The following SNRPD3 variants were observed in gnomAD, a reference collection of about 807,000 sequenced individuals.
SNRPD3 encodes the protein small nuclear ribonucleoprotein Sm D3.
For missense variants in SNRPD3, 73 were observed against 167.5 expected (o/e 0.44, Z 3.11); for synonymous variants, 66 against 58.4 (o/e 1.13, Z -0.59).
chr22:24,561,059 C>CTTTTCTTTTTTTTTTTTTT (rs2045137150), intron 2 of SNRPD3, among the ~76,000 whole-genome samples: 1 of 93,286 alleles, frequency 1.1e-5, no homozygotes, highest in Non-Finnish European at 2.1e-5. Context: ...TTTCCTTTTT[C>CTTTTCTTTTTTTTTTTTTT]TTTTCTTTTT....
chr22:24,565,930 A>T (rs1429806235), intron 2 of SNRPD3, among the ~76,000 whole-genome samples: 1 of 152,110 alleles, frequency 6.6e-6, no homozygotes, highest in Non-Finnish European at 1.5e-5. Context: ...TACAGGCATG[A>T]GCCACCGCGC....
intron 1 of SNRPD3, 78 bp downstream of exon 1, chr22:24,556,149 ACT>A: frequency 2.2e-6 from 1 of 460,762 alleles, no homozygotes; most frequent in Non-Finnish European, 3.9e-6. Context: ...GCTGCATGGA[ACT>A]CTGCGGGGCT....
chr22:24,562,957 A>G (rs192259477), intron 2 of SNRPD3, among the ~76,000 whole-genome samples: 1 of 152,244 alleles, frequency 6.6e-6, no homozygotes. Context: ...GCACTCAGAT[A>G]CAGGAGACAC....
At chr22:24,569,220 G>A (rs147592601) in intron 3 of SNRPD3, among the ~76,000 whole-genome samples, 12 of 152,296 alleles carry the variant, frequency 7.9e-5, no homozygotes, top group Non-Finnish European at 1.6e-4. Context: ...CCACCTTTTA[G>A]TACATTCCAA....
At chr22:24,571,814 T>G in intron 3 of SNRPD3, 102 bp from the exon 4 acceptor site, 2 of 1,180,190 alleles carry the variant, frequency 1.7e-6, no homozygotes, top group Non-Finnish European at 2.5e-6. Flanking sequence ...CAGGTAACCC[T>G]TCAGAACCCT....
intron 2 of SNRPD3, 122 bp from the exon 3 acceptor site, chr22:24,567,862 A>G (rs1249138051): frequency 1.4e-5 from 10 of 704,590 alleles, no homozygotes; most frequent in East Asian, 5.2e-5. Context: ...ATTGCTGGGT[A>G]ATTCACCAGC....
intron 2 of SNRPD3, 67 bp downstream of exon 2, chr22:24,557,867 T>G: frequency 1.3e-6 from 2 of 1,486,390 alleles, no homozygotes; most frequent in South Asian, 2.6e-5. Context: ...CAGAAAAGTG[T>G]GTGTTGAGGG....
chr22:24,574,072 G>C lies in SNRPD3; in HGVS notation c.*2095G>C, dbSNP rs2045269864. Among the ~76,000 whole-genome samples the C allele has an allele frequency of 6.6e-6, 1 of 152,146 alleles. No individual in the cohort carries two copies. Among genetic ancestry groups the C allele is most frequent in the Admixed American group, 6.5e-5 (1 of 15,268 alleles). On this transcript the variant is annotated 3_prime_UTR_variant, in exon 4 of 4. Transcript: ENST00000215829. Reference sequence around the variant, plus strand: ...AAAGCCGTATTTTGACCCTGTACTAGTATGTTATTTTAGTATAATCATTAC... The same window carrying C: ...AAAGCCGTATTTTGACCCTGTACTACTATGTTATTTTAGTATAATCATTAC...
chr22:24,557,504 A>C (rs1052938165), intron 1 of SNRPD3, among the ~76,000 whole-genome samples, 153 bp from the exon 2 acceptor site: 6 of 97,202 alleles, frequency 6.2e-5, no homozygotes, highest in African/African-American at 2.4e-4. Flanking sequence ...CCAAACCAGG[A>C]GCTGAGCTTT....
chr22:24,569,633 C>T (rs935429347), intron 3 of SNRPD3, among the ~76,000 whole-genome samples: 1 of 152,150 alleles, frequency 6.6e-6, no homozygotes, highest in Non-Finnish European at 1.5e-5. Flanking sequence ...CTCGGTCCCA[C>T]AAGACAGCCC....
At chr22:24,555,743 G>T, upstream of SNRPD3, 1 of 1,550,664 alleles carries the variant, frequency 6.4e-7, no homozygotes, top group Non-Finnish European at 8.7e-7. Context: ...TGTCCTTGGT[G>T]TGGGGTGCTT....
intron 2 of SNRPD3, among the ~76,000 whole-genome samples, chr22:24,565,937 G>A (rs939180113): frequency 2.6e-5 from 4 of 152,038 alleles, no homozygotes; most frequent in East Asian, 1.9e-4. Flanking sequence ...ATGAGCCACC[G>A]CGCCCAGCCC....
At chr22:24,570,822 T>C (rs1283741862) in intron 3 of SNRPD3, among the ~76,000 whole-genome samples, 1 of 90,198 alleles carries the variant, frequency 1.1e-5, no homozygotes, top group Non-Finnish European at 2.1e-5. Flanking sequence ...ATTCTTTTTT[T>C]TTTTTTTTTT....
chr22:24,571,786 G>A lies in SNRPD3; in HGVS notation c.320-130G>A, dbSNP rs955824257. 5 of 789,708 alleles carry A rather than the reference G, an allele frequency of 6.3e-6. No homozygotes were observed. In the African/African-American group the frequency reaches 8.9e-5, roughly 14 times the overall value. 48.9% of individuals were successfully genotyped at this position (789,708 alleles called of 1,614,324 possible). ...AAAGGCGGGAGGTGGAAATGCAATG[G>A]CCAGGGTGGTGTTGGACCAGGTAAC... On this transcript the variant is annotated intron_variant, in intron 3 of 3. Coordinates refer to ENST00000215829, the MANE Select transcript of SNRPD3 (RefSeq NM_004175.5).
upstream of SNRPD3, chr22:24,555,994 C>T (rs2045054637): frequency 2.3e-5 from 16 of 684,166 alleles, no homozygotes; most frequent in Non-Finnish European, 3.7e-5. Flanking sequence ...GGTGTTAGGC[C>T]CGCCATTCGC....
chr22:24,557,725 T>G lies in SNRPD3; in HGVS notation c.51T>G (p.Ile17Met). 2 of 1,612,052 alleles carry G rather than the reference T, an allele frequency of 1.2e-6. No homozygotes were observed. The highest frequency in any genetic ancestry group is 1.7e-6 in the Non-Finnish European group (2 of 1,178,560). Residue 17 changes from isoleucine (I) to methionine (M), a missense_variant, in exon 2 of 4, where the codon ATT becomes ATG. Coordinates refer to ENST00000215829, the MANE Select transcript of SNRPD3 (RefSeq NM_004175.5). ...IKVLHEAEGH[I>M]VTCETNTGEV... ...TACTGCATGAGGCCGAGGGCCACATTGTGACATGTGAGACGAACACCGGTG... is the reference window on the plus strand; with the variant it reads ...TACTGCATGAGGCCGAGGGCCACATGGTGACATGTGAGACGAACACCGGTG...
chr22:24,565,517 A>C (rs996067296), intron 2 of SNRPD3, among the ~76,000 whole-genome samples: 4 of 152,224 alleles, frequency 2.6e-5, no homozygotes, highest in African/African-American at 9.6e-5. Context: ...ACGGAGGCTC[A>C]GGGAAGCCTG....
At chr22:24,569,728 G>A (rs981246403) in intron 3 of SNRPD3, among the ~76,000 whole-genome samples, 3 of 152,140 alleles carry the variant, frequency 2.0e-5, no homozygotes, top group Non-Finnish European at 4.4e-5. Flanking sequence ...CTCACTCCTT[G>A]GGTTCGATTA....
intron 3 of SNRPD3, among the ~76,000 whole-genome samples, 198 bp from the exon 4 acceptor site, chr22:24,571,718 T>C (rs546220052): frequency 6.6e-6 from 1 of 150,508 alleles, no homozygotes; most frequent in East Asian, 2.0e-4. Flanking sequence ...CACTCCAGCC[T>C]GGGTGACAGA....
Sources: allele counts gnomAD v4.1 joint callset (sites outside exome capture counted in the v4.1 genomes callset), GRCh38; gene constraint gnomAD v4.1.1; transcripts MANE v1.5; gene names NCBI Gene and HGNC (gene_info 2026-07-23, HGNC 2026-07-21).